The following OLA1 variants were observed in gnomAD, a reference collection of about 807,000 sequenced individuals.
OLA1 encodes obg-like ATPase 1.
A neutral mutation model predicts 48.4 loss-of-function variants in OLA1; 14 were observed. The ratio of observed to expected loss-of-function variants is 0.29; its 90% CI spans 0.19 to 0.45. OLA1 has a LOEUF of 0.45. Among genes scored for constraint, OLA1 ranks in the 20% least tolerant of loss-of-function variants. The pLI, the probability that OLA1 is intolerant of heterozygous loss-of-function variation, is 1.00. For missense variants in OLA1, 325 were observed against 467.1 expected (o/e 0.70, Z 2.80); for synonymous variants, 127 against 150.4 (o/e 0.84, Z 1.14).
chr2:174,220,411 C>T (rs1404185961), intron 4 of OLA1, among the ~76,000 whole-genome samples: 2 of 152,160 alleles, frequency 1.3e-5, no homozygotes, highest in African/African-American at 2.4e-5. Context: ...CTGTCACCTC[C>T]TCAAGGTAAC....
chr2:174,236,252 C>T (rs1688846292), intron 2 of OLA1, among the ~76,000 whole-genome samples: 1 of 151,546 alleles, frequency 6.6e-6, no homozygotes, highest in Non-Finnish European at 1.5e-5. Context: ...ATAAAAGGAC[C>T]TTAAAATAAA....
chr2:174,088,609 T>C (rs1685034714), intron 7 of OLA1, among the ~76,000 whole-genome samples: 1 of 152,182 alleles, frequency 6.6e-6, no homozygotes, highest in African/African-American at 2.4e-5. Flanking sequence ...AACCATTTTC[T>C]GAATGGAGGT....
Position 174,229,312 on chromosome 2 carries a change from C to T in OLA1, c.241G>A (p.Ala81Thr), listed in dbSNP as rs772660471. ...FDFLCQYHKP[A>T]SKIPAFLNVV... Reference sequence around the variant, plus strand: ...ATAGCATAAAATATCTCTTACCTTGCTGGTTTGTGGTATTGACAAAGAAAG... The same window carrying T: ...ATAGCATAAAATATCTCTTACCTTGTTGGTTTGTGGTATTGACAAAGAAAG... The change falls in exon 3 of 11, where the codon GCA (alanine) becomes ACA (threonine). Residue 81 changes from alanine to threonine, a missense_variant. Transcript: ENST00000284719. 6 of 1,611,624 alleles carry T rather than the reference C, an allele frequency of 3.7e-6. No individual in the cohort carries two copies. The South Asian group carries it at 5.5e-5, about 15-fold the overall frequency.
At chr2:174,217,344 A>G (rs538471710) in intron 4 of OLA1, among the ~76,000 whole-genome samples, 2 of 152,206 alleles carry the variant, frequency 1.3e-5, no homozygotes, top group South Asian at 4.2e-4. Flanking sequence ...GATTACAGGT[A>G]TGAGCCACTA....
At chr2:174,220,545 G>A (rs1411833367) in intron 4 of OLA1, among the ~76,000 whole-genome samples, 1 of 152,072 alleles carries the variant, frequency 6.6e-6, no homozygotes, top group Non-Finnish European at 1.5e-5. Flanking sequence ...GAGAAAAATG[G>A]TCACATCTGT....
At chr2:174,146,457 G>A (rs59503992) in intron 4 of OLA1, among the ~76,000 whole-genome samples, 18,026 of 152,206 alleles carry the variant, frequency 0.12, 1,383 homozygotes, top group East Asian at 0.21. Context: ...CAAGAGGAGC[G>A]TTTGTACTAG....
intron 4 of OLA1, among the ~76,000 whole-genome samples, chr2:174,209,479 T>C (rs6433468): frequency 0.53 from 80,563 of 151,914 alleles, 21,931 homozygotes; most frequent in East Asian, 0.95. Context: ...CCGGGCTAGG[T>C]TTCCTGAGCA....
At chr2:174,239,336 T>G (rs1276220094) in intron 2 of OLA1, among the ~76,000 whole-genome samples, 1 of 152,178 alleles carries the variant, frequency 6.6e-6, no homozygotes, top group Non-Finnish European at 1.5e-5. Flanking sequence ...CAACGAGCAA[T>G]CAAAGTTAAT....
At chr2:174,231,212 A>G (rs1688722193) in intron 2 of OLA1, among the ~76,000 whole-genome samples, 1 of 152,226 alleles carries the variant, frequency 6.6e-6, no homozygotes, top group South Asian at 2.1e-4. Context: ...GTGATAGTTA[A>G]GTTGCCAGAA....
At position 174,223,176 on chromosome 2, in the gene OLA1, T is replaced by C. The variant is rs144616571; in HGVS notation, c.246-16A>G. ...AGGAATTTTGCTGAAAAACAAAAGA[T>C]GGCTTTATTATAAAACAGTACTAAA... On this transcript the variant is annotated splice_polypyrimidine_tract_variant and intron_variant, in intron 3 of 10. Coordinates refer to ENST00000284719, the MANE Select transcript of OLA1 (RefSeq NM_013341.5). 9,153 of 1,612,300 alleles carry C rather than the reference T, an allele frequency of 5.7e-3. 30 individuals are homozygous for C. Among genetic ancestry groups the C allele is most frequent in the Admixed American group, 7.7e-3 (461 of 59,822 alleles).
At chr2:174,229,830 T>C (rs907938668) in intron 2 of OLA1, among the ~76,000 whole-genome samples, 2 of 152,242 alleles carry the variant, frequency 1.3e-5, no homozygotes, top group African/African-American at 4.8e-5. Flanking sequence ...GCATGAAATG[T>C]AGAAGTCATG....
At chr2:174,226,315 T>G (rs953187743) in intron 3 of OLA1, among the ~76,000 whole-genome samples, 33 of 152,192 alleles carry the variant, frequency 2.2e-4, no homozygotes, top group Non-Finnish European at 3.8e-4. Context: ...GAGATTTAAT[T>G]CAGGGATTTC....
intron 4 of OLA1, among the ~76,000 whole-genome samples, chr2:174,188,270 G>A (rs1049210417): frequency 6.6e-6 from 1 of 152,016 alleles, no homozygotes; most frequent in Non-Finnish European, 1.5e-5. Context: ...CAGATGATCT[G>A]GAGCAAACAT....
At chr2:174,140,375 T>A (rs965607155) in intron 5 of OLA1, among the ~76,000 whole-genome samples, 2 of 151,888 alleles carry the variant, frequency 1.3e-5, no homozygotes, top group African/African-American at 2.4e-5. Context: ...CTTTCTTTTT[T>A]TTTTTTAATT....
At chr2:174,189,117 C>T (rs13024211) in intron 4 of OLA1, among the ~76,000 whole-genome samples, 82,076 of 151,886 alleles carry the variant, frequency 0.54, 22,791 homozygotes, top group East Asian at 0.94. Context: ...TTTTAATACA[C>T]ATTATTGAAT....
At chr2:174,139,901 A>G (rs1159018004) in intron 5 of OLA1, among the ~76,000 whole-genome samples, 1 of 151,738 alleles carries the variant, frequency 6.6e-6, no homozygotes, top group East Asian at 1.9e-4. Flanking sequence ...AAGAAAAAAA[A>G]AAGGTATATC....
intron 4 of OLA1, among the ~76,000 whole-genome samples, chr2:174,168,753 A>ATATCTATCTATC (rs71021675): frequency 3.4e-5 from 5 of 145,970 alleles, no homozygotes; most frequent in African/African-American, 1.0e-4. Flanking sequence ...CACAATATGT[A>ATATCTATCTATC]TATCTATCTA....
At chr2:174,213,981 T>C (rs1034901346) in intron 4 of OLA1, among the ~76,000 whole-genome samples, 4 of 151,212 alleles carry the variant, frequency 2.6e-5, no homozygotes, top group Non-Finnish European at 5.9e-5. Flanking sequence ...TGAAAAAAAG[T>C]GTTGAAATTT....
chr2:174,092,596 A>G (rs2105347136), intron 7 of OLA1, among the ~76,000 whole-genome samples: 1 of 152,174 alleles, frequency 6.6e-6, no homozygotes, highest in South Asian at 2.1e-4. Context: ...CAGGAGTTCG[A>G]GGTTGTGGTG....
Sources: allele counts gnomAD v4.1 joint callset (sites outside exome capture counted in the v4.1 genomes callset), GRCh38; gene constraint gnomAD v4.1.1; transcripts MANE v1.5; gene names NCBI Gene and HGNC (gene_info 2026-07-23, HGNC 2026-07-21).